Variants in TMTC1 observed in about 807,000 individuals in gnomAD.
TMTC1 encodes protein O-mannosyl-transferase TMTC1.
A neutral mutation model predicts 104.8 loss-of-function variants in TMTC1; 73 were observed. The observed-to-expected ratio is 0.70, with a 90% CI of 0.58 to 0.85. The LOEUF (loss-of-function observed/expected upper bound fraction) is 0.85, where lower values mean the gene tolerates loss of function less well. Among genes scored for constraint, TMTC1 ranks in the 40% least tolerant of loss-of-function variants. The probability of loss-of-function intolerance (pLI) is 0.00; values close to 1 mark genes in which losing one functional copy is unlikely to be tolerated. For synonymous variants in TMTC1, 434 were observed against 428.7 expected (o/e 1.01, Z -0.15); for missense variants, 1,035 against 1,096.1 (o/e 0.94, Z 0.79).
chr12:29,770,119 C>T (rs1411932263), intron 1 of TMTC1, among the ~76,000 whole-genome samples: 1 of 151,210 alleles, frequency 6.6e-6, no homozygotes, highest in Admixed American at 6.6e-5. Context: ...AAATTTGGAT[C>T]ACAAATAATA....
intron 7 of TMTC1, among the ~76,000 whole-genome samples, chr12:29,592,669 T>G (rs1394058119): frequency 6.6e-6 from 1 of 152,204 alleles, no homozygotes; most frequent in Non-Finnish European, 1.5e-5. Context: ...TCGGTTTGCA[T>G]GTCCACCCTG....
At chr12:29,774,081 TC>T (rs1943654346) in intron 1 of TMTC1, among the ~76,000 whole-genome samples, 2 of 152,140 alleles carry the variant, frequency 1.3e-5, no homozygotes, top group Non-Finnish European at 2.9e-5. Context: ...AGCATTCCTA[TC>T]TCAATAAGCC....
At chr12:29,627,178 G>A (rs960720403) in intron 6 of TMTC1, among the ~76,000 whole-genome samples, 1 of 152,130 alleles carries the variant, frequency 6.6e-6, no homozygotes, top group Admixed American at 6.5e-5. Context: ...GCCAACCTAC[G>A]GAATGAGAGA....
Position 29,507,237 on chromosome 12 carries a change from A to AT in TMTC1, c.2509-252dup, listed in dbSNP as rs568158188. On this transcript the variant is annotated intron_variant, in intron 17 of 17. Coordinates refer to ENST00000539277, the MANE Select transcript of TMTC1 (RefSeq NM_001193451.2). ...GTAAGGATAAATGGCAGAAAAACAG[A>AT]TTTTCAATTCTACTAATGCAGGGTG... Among the ~76,000 whole-genome samples, 300 of 152,260 alleles carry AT rather than the reference A, an allele frequency of 2.0e-3. 1 individual carries two copies. The highest frequency in any genetic ancestry group is 6.5e-3 in the African/African-American group (270 of 41,544).
intron 8 of TMTC1, among the ~76,000 whole-genome samples, chr12:29,575,762 G>C (rs34187264): frequency 6.6e-6 from 1 of 152,040 alleles, no homozygotes. Context: ...GTAAATACCC[G>C]AGGACGGATT....
intron 14 of TMTC1, among the ~76,000 whole-genome samples, chr12:29,516,930 C>G (rs1944003850): frequency 6.6e-6 from 1 of 152,142 alleles, no homozygotes; most frequent in African/African-American, 2.4e-5. Flanking sequence ...AATAAATACA[C>G]TGTGGTTATG....
chr12:29,599,986 G>GTGTGTATACATA (rs1565699720), intron 7 of TMTC1, among the ~76,000 whole-genome samples: 1 of 99,150 alleles, frequency 1.0e-5, no homozygotes, highest in African/African-American at 6.4e-5. Context: ...GTGTGTGTGT[G>GTGTGTATACATA]TATATACATA....
At chr12:29,651,902 CAAAAA>C (rs34170602) in intron 5 of TMTC1, among the ~76,000 whole-genome samples, 1 of 143,132 alleles carries the variant, frequency 7.0e-6, no homozygotes, top group African/African-American at 2.5e-5. Context: ...AAAACTTGCC[CAAAAA>C]AAAAAAAAAT....
chr12:29,752,881 G>C (rs1009161879), intron 4 of TMTC1, among the ~76,000 whole-genome samples: 1 of 152,246 alleles, frequency 6.6e-6, no homozygotes. Flanking sequence ...CCTCTGGAGA[G>C]AGAGGATAAG....
intron 7 of TMTC1, among the ~76,000 whole-genome samples, chr12:29,587,093 A>G (rs991771659): frequency 3.3e-5 from 5 of 152,140 alleles, no homozygotes; most frequent in Non-Finnish European, 7.3e-5. Flanking sequence ...TAAGCTATTA[A>G]TTATTGCCTC....
rs112848075 is a variant in TMTC1 at position 29,771,410 on chromosome 12, C to T, written c.303-3335G>A. ...ACGTGTGTCAGTTATCAAAACAGAC[C>T]AAACCAGACAGACAGGGAACTGCAC... is the stretch of plus-strand genomic sequence containing the variant. On this transcript the variant is annotated intron_variant, in intron 1 of 17. Transcript: ENST00000539277. Among the ~76,000 whole-genome samples the T allele has an allele frequency of 3.3e-5, 5 of 152,164 alleles. 1 individual carries two copies. The highest frequency in any genetic ancestry group is 1.2e-4 in the African/African-American group (5 of 41,502).
intron 4 of TMTC1, 98 bp from the exon 5 acceptor site, chr12:29,751,970 C>T (rs73077434): frequency 0.13 from 151,894 of 1,160,262 alleles, 11,157 homozygotes; most frequent in East Asian, 0.27. Context: ...AGTCTTGCTT[C>T]CTGGAAACAA....
intron 5 of TMTC1, among the ~76,000 whole-genome samples, chr12:29,636,852 C>T (rs1257703511): frequency 6.7e-6 from 1 of 150,278 alleles, no homozygotes; most frequent in African/African-American, 2.5e-5. Context: ...TGAGATAAGC[C>T]TAGGCAACAC....
At chr12:29,658,164 A>G (rs756753650) in intron 5 of TMTC1, among the ~76,000 whole-genome samples, 4 of 152,148 alleles carry the variant, frequency 2.6e-5, no homozygotes, top group Non-Finnish European at 5.9e-5. Flanking sequence ...AGATATGAAT[A>G]AACTAAAATA....
chr12:29,666,392 T>TTTG (rs1555184500), intron 5 of TMTC1: 5 of 333,774 alleles, frequency 1.5e-5, no homozygotes, highest in East Asian at 9.5e-5. Context: ...TAATTTTTTT[T>TTTG]TTGTTGTTGT....
At chr12:29,682,649 G>A (rs143649430) in intron 5 of TMTC1, among the ~76,000 whole-genome samples, 111 of 152,304 alleles carry the variant, frequency 7.3e-4, no homozygotes, top group Non-Finnish European at 1.4e-3. Context: ...CCAACTGTAA[G>A]AGACCACATA....
At chr12:29,737,825 G>T (rs978259492) in intron 5 of TMTC1, among the ~76,000 whole-genome samples, 2 of 152,128 alleles carry the variant, frequency 1.3e-5, no homozygotes, top group Non-Finnish European at 2.9e-5. Context: ...ACTTCCCAAG[G>T]GCGTGGTGAC....
At chr12:29,522,498 C>T (rs1431852207) in intron 11 of TMTC1, among the ~76,000 whole-genome samples, 1 of 152,020 alleles carries the variant, frequency 6.6e-6, no homozygotes. Context: ...AAAATATTTC[C>T]TTTCAATCTA....
chr12:29,681,786 A>T (rs1158860606), intron 5 of TMTC1, among the ~76,000 whole-genome samples: 1 of 152,290 alleles, frequency 6.6e-6, no homozygotes. Context: ...AATGTATAGA[A>T]ATTATTTGTA....
Sources: allele counts gnomAD v4.1 joint callset (sites outside exome capture counted in the v4.1 genomes callset), GRCh38; gene constraint gnomAD v4.1.1; transcripts MANE v1.5; gene names NCBI Gene and HGNC (gene_info 2026-07-23, HGNC 2026-07-21).